RPS6KC1: variants seen among roughly 807,000 people sequenced by gnomAD.
RPS6KC1 encodes ribosomal protein S6 kinase C1.
In RPS6KC1, 54 loss-of-function variants were observed where a neutral mutation model predicts 103.8. The ratio of observed to expected loss-of-function variants is 0.52; its 90% CI spans 0.42 to 0.65. RPS6KC1 has a LOEUF of 0.65. Among genes scored for constraint, RPS6KC1 ranks in the 30% least tolerant of loss-of-function variants. The probability of loss-of-function intolerance (pLI) is 0.00; values close to 1 mark genes in which losing one functional copy is unlikely to be tolerated. For synonymous variants in RPS6KC1, 439 were observed against 438.7 expected, an observed-to-expected ratio of 1.00 and a Z score of -0.01; for missense variants, 1,151 against 1,253.8, an observed-to-expected ratio of 0.92 and a Z score of 1.24.
chr1:213,704,914 TTC>T, the RPS6KC1 span, among the ~76,000 whole-genome samples: 1 of 152,248 alleles, frequency 6.6e-6, no homozygotes, highest in Admixed American at 6.5e-5. Context: ...TCCAGAAGAA[TTC>T]TCTGGATTAC....
chr1:213,753,529 A>T, the RPS6KC1 span, among the ~76,000 whole-genome samples: 10 of 151,802 alleles, frequency 6.6e-5, no homozygotes. Flanking sequence ...GGATGGTCCC[A>T]CCTTCATTCC....
At chr1:213,523,223 A>G in the RPS6KC1 span, among the ~76,000 whole-genome samples, 6 of 152,222 alleles carry the variant, frequency 3.9e-5, no homozygotes, top group Non-Finnish European at 8.8e-5. Flanking sequence ...CACAATTTTT[A>G]TGGATTAAGT....
intron 1 of RPS6KC1, among the ~76,000 whole-genome samples, chr1:213,053,897 C>G (rs1024126647): frequency 6.6e-6 from 1 of 151,314 alleles, no homozygotes; most frequent in African/African-American, 2.4e-5. Context: ...AGTGCAGTGG[C>G]GCTATCTCAG....
At chr1:213,448,876 G>A in the RPS6KC1 span, among the ~76,000 whole-genome samples, 379 of 152,190 alleles carry the variant, frequency 2.5e-3, 2 homozygotes, top group Non-Finnish European at 4.4e-3. Context: ...AAGGCAGTGC[G>A]TGTATTGATT....
the RPS6KC1 span, among the ~76,000 whole-genome samples, chr1:213,287,266 G>A: frequency 1.5e-5 from 1 of 67,682 alleles, no homozygotes; most frequent in Non-Finnish European, 3.7e-5. Context: ...GTGTGTGTGT[G>A]TGTGTGTATT....
chr1:213,679,444 T>A, the RPS6KC1 span, among the ~76,000 whole-genome samples: 1 of 152,200 alleles, frequency 6.6e-6, no homozygotes, highest in East Asian at 1.9e-4. Context: ...AGGTTCCAAG[T>A]TGTACCCATT....
the RPS6KC1 span, among the ~76,000 whole-genome samples, chr1:213,348,218 T>G: frequency 0.087 from 13,297 of 152,156 alleles, 653 homozygotes; most frequent in Middle Eastern, 0.19. Context: ...AGAGACGATA[T>G]TTTCTAAAGC....
the RPS6KC1 span, among the ~76,000 whole-genome samples, chr1:213,695,028 C>T: frequency 5.3e-5 from 8 of 152,194 alleles, no homozygotes; most frequent in South Asian, 2.1e-4. Context: ...TGGAAGGTCT[C>T]GGAAGAGTTG....
At chr1:213,783,815 C>CAAAAAAAAAA in the RPS6KC1 span, among the ~76,000 whole-genome samples, 44 of 65,990 alleles carry the variant, frequency 6.7e-4, no homozygotes, top group African/African-American at 1.3e-3. Context: ...AAGATGTTGC[C>CAAAAAAAAAA]AAAAAAAAAA....
At chr1:213,419,100 T>A in the RPS6KC1 span, among the ~76,000 whole-genome samples, 1 of 152,196 alleles carries the variant, frequency 6.6e-6, no homozygotes, top group South Asian at 2.1e-4. Flanking sequence ...TTCCTCTATG[T>A]CCCCCTGGCC....
intron 12 of RPS6KC1, among the ~76,000 whole-genome samples, chr1:213,245,435 T>C (rs2094439147): frequency 6.6e-6 from 1 of 152,156 alleles, no homozygotes; most frequent in African/African-American, 2.4e-5. Flanking sequence ...TAAAGCATGT[T>C]AAGCAGCTGA....
At chr1:213,610,292 G>A in the RPS6KC1 span, among the ~76,000 whole-genome samples, 1 of 152,162 alleles carries the variant, frequency 6.6e-6, no homozygotes, top group Admixed American at 6.6e-5. Flanking sequence ...AAGGCCTGAA[G>A]AAAGGAGAAG....
the RPS6KC1 span, among the ~76,000 whole-genome samples, chr1:213,330,379 G>A: frequency 6.6e-6 from 1 of 152,210 alleles, no homozygotes; most frequent in Non-Finnish European, 1.5e-5. Flanking sequence ...TCAGTGTTCT[G>A]TTGGAGTCTA....
chr1:213,709,023 G>A, the RPS6KC1 span, among the ~76,000 whole-genome samples: 1 of 152,034 alleles, frequency 6.6e-6, no homozygotes, highest in South Asian at 2.1e-4. Context: ...TTTTTTTGTT[G>A]TGTTTCTGCT....
intron 1 of RPS6KC1, among the ~76,000 whole-genome samples, chr1:213,058,059 CTTTTTTTTTTTT>C (rs756919339): frequency 3.6e-5 from 4 of 111,948 alleles, no homozygotes; most frequent in East Asian, 2.4e-4. Context: ...TGCGCCTGAC[CTTTTTTTTTTTT>C]TTTTTTTTTT....
At chr1:213,834,594 A>G in the RPS6KC1 span, among the ~76,000 whole-genome samples, 1 of 152,206 alleles carries the variant, frequency 6.6e-6, no homozygotes, top group Non-Finnish European at 1.5e-5. Context: ...ATTAAAATAT[A>G]TCACTAACAA....
chr1:213,550,821 G>C, the RPS6KC1 span, among the ~76,000 whole-genome samples: 2 of 152,196 alleles, frequency 1.3e-5, no homozygotes, highest in Admixed American at 1.3e-4. Context: ...CTGTAACCCT[G>C]ACCTGAGTGT....
chr1:213,707,281 G>A, the RPS6KC1 span, among the ~76,000 whole-genome samples: 2 of 152,114 alleles, frequency 1.3e-5, no homozygotes, highest in African/African-American at 2.4e-5. Context: ...GTTTTGATTT[G>A]CATTTCTCTA....
chr1:213,414,485 A>G, the RPS6KC1 span, among the ~76,000 whole-genome samples: 1 of 152,320 alleles, frequency 6.6e-6, no homozygotes, highest in South Asian at 2.1e-4. Flanking sequence ...AGAAGGAGGC[A>G]GAGATTGGGG....
Sources: gnomAD v4.1 joint callset for allele counts (sites outside exome capture counted in the v4.1 genomes callset) on GRCh38, gnomAD v4.1.1 for gene constraint, MANE v1.5 for transcripts, NCBI Gene and HGNC (gene_info 2026-07-23, HGNC 2026-07-21) for gene names.